BNC2: variants seen among roughly 807,000 people sequenced by gnomAD.
BNC2 encodes the protein basonuclin zinc finger protein 2, also known as zinc finger protein basonuclin-2.
In BNC2, 20 loss-of-function variants were observed where a neutral mutation model predicts 76.3. That is an observed-to-expected ratio of 0.26 (90% CI 0.18 to 0.38). The LOEUF (loss-of-function observed/expected upper bound fraction) is 0.38, where lower values mean the gene tolerates loss of function less well. BNC2 is among the 10% of genes least tolerant of loss of function. The pLI, the probability that BNC2 is intolerant of heterozygous loss-of-function variation, is 1.00. For missense variants in BNC2, 1,382 were observed against 1,399.8 expected, an observed-to-expected ratio of 0.99 and a Z score of 0.20; for synonymous variants, 582 against 514.8, an observed-to-expected ratio of 1.13 and a Z score of -1.77.
chr9:16,836,581 T>C (rs1416649100), intron 1 of BNC2, among the ~76,000 whole-genome samples: 1 of 151,970 alleles, frequency 6.6e-6, no homozygotes, highest in South Asian at 2.1e-4. Flanking sequence ...CCTTGATTCT[T>C]ATTAAGTTTG....
chr9:16,788,929 T>C (rs1317807104), intron 1 of BNC2, among the ~76,000 whole-genome samples: 1 of 152,118 alleles, frequency 6.6e-6, no homozygotes, highest in African/African-American at 2.4e-5. Context: ...ACCAAGCTCC[T>C]CCTTGGCATC....
intron 3 of BNC2, among the ~76,000 whole-genome samples, chr9:16,609,567 T>C (rs1403046151): frequency 6.6e-6 from 1 of 152,158 alleles, no homozygotes; most frequent in East Asian, 1.9e-4. Context: ...CATCCTTGTA[T>C]CTCCTATGCT....
At chr9:16,676,789 A>G (rs1822656410) in intron 3 of BNC2, among the ~76,000 whole-genome samples, 1 of 152,254 alleles carries the variant, frequency 6.6e-6, no homozygotes, top group African/African-American at 2.4e-5. Flanking sequence ...AGTGAGAACA[A>G]GGGAGGAGAA....
chr9:16,527,974 T>C (rs1439777517), intron 5 of BNC2, among the ~76,000 whole-genome samples: 1 of 152,060 alleles, frequency 6.6e-6, no homozygotes, highest in Non-Finnish European at 1.5e-5. Context: ...TAATGATGAA[T>C]TTGCAAGAAC....
intron 5 of BNC2, among the ~76,000 whole-genome samples, chr9:16,480,500 G>C (rs1323711973): frequency 6.6e-6 from 1 of 152,228 alleles, no homozygotes; most frequent in Non-Finnish European, 1.5e-5. Context: ...CTTGCAGGGA[G>C]GTGTGGAGGG....
intron 5 of BNC2, among the ~76,000 whole-genome samples, chr9:16,486,807 C>T (rs1822173198): frequency 6.6e-6 from 1 of 151,960 alleles, no homozygotes; most frequent in South Asian, 2.1e-4. Context: ...CTGACTGTAA[C>T]ATCAAACTCC....
At chr9:16,704,334 G>A (rs549629251) in intron 3 of BNC2, among the ~76,000 whole-genome samples, 2 of 152,208 alleles carry the variant, frequency 1.3e-5, no homozygotes, top group East Asian at 3.9e-4. Flanking sequence ...TAGGGGTTGG[G>A]GGCAATCTGC....
chr9:16,574,227 G>GCTTA (rs1819419436), intron 4 of BNC2, among the ~76,000 whole-genome samples: 1 of 152,102 alleles, frequency 6.6e-6, no homozygotes, highest in African/African-American at 2.4e-5. Context: ...GCTTCCTGTA[G>GCTTA]GATCGTTAGC....
At chr9:16,535,587 A>G (rs1302804720) in intron 5 of BNC2, among the ~76,000 whole-genome samples, 1 of 152,032 alleles carries the variant, frequency 6.6e-6, no homozygotes, top group Non-Finnish European at 1.5e-5. Context: ...TGCTTGAACT[A>G]CAGTGACAGC....
chr9:16,855,079 G>A (rs1819220030), intron 1 of BNC2, among the ~76,000 whole-genome samples: 1 of 151,890 alleles, frequency 6.6e-6, no homozygotes, highest in African/African-American at 2.4e-5. Context: ...ATTTCAATAT[G>A]AGTACATGAG....
intron 1 of BNC2, among the ~76,000 whole-genome samples, chr9:16,835,654 A>G (rs1259098941): frequency 6.6e-6 from 1 of 152,222 alleles, no homozygotes; most frequent in South Asian, 2.1e-4. Flanking sequence ...GTGAGCAGAG[A>G]TAGCGCCACT....
Position 16,435,867 on chromosome 9 carries a change from T to C in BNC2, c.2327A>G (p.Glu776Gly), listed in dbSNP as rs571419639. ...PSHQDVIKVK[E>G]EFTDPTYDMF... is the part of the protein sequence containing the mutation. The stretch of plus-strand genomic sequence containing the variant: ...GTCGTAAGTGGGGTCTGTAAATTCT[T>C]CCTTCACCTTGATGACGTCCTGGTG... The change falls in exon 6 of 7, where the codon GAA becomes GGA. Residue 776 changes from glutamate (E) to glycine (G), a missense_variant. Physicochemically the swap from Glu to Gly is moderately conservative, Grantham distance 98. Around this residue, in one of 3 missense-constraint regions of BNC2, gnomAD observed 798 missense variants for 775.5 expected, o/e 1.03. Transcript: ENST00000380672. The C allele has an allele frequency of 1.7e-5, 27 of 1,613,762 alleles. No individual in the cohort carries two copies. The South Asian group carries it at 2.7e-4, about 16-fold the overall frequency.
intron 1 of BNC2, chr9:16,832,125 C>A (rs185688966): frequency 7.1e-6 from 2 of 281,064 alleles, no homozygotes; most frequent in Non-Finnish European, 1.3e-5. Context: ...TGCAATGCAG[C>A]TTCCTGGATG....
rs1554626014 is a variant in BNC2 at position 16,409,921 on chromosome 9, T to TAAAAA, written c.*9067_*9068insTTTTT. The stretch of plus-strand genomic sequence containing the variant: ...TGGTTTTATGCAGATGAGAACAATA[T>TAAAAA]AAACAAAAAAAAGGAATAAACAGCT... On this transcript the variant is annotated 3_prime_UTR_variant, in exon 7 of 7. Transcript: ENST00000380672. The TAAAAA allele has an allele frequency of 1.3e-5, 2 of 148,516 alleles. No individual in the cohort carries two copies. Among genetic ancestry groups the TAAAAA allele is most frequent in the African/African-American group, 4.9e-5 (2 of 40,486 alleles). The allele number at this position is 148,516 out of a possible 1,614,324, so 9.2% of individuals were successfully genotyped here. A position where few individuals can be genotyped will look rare whatever the true frequency, so the allele number is the denominator to read the frequency against.
At chr9:16,801,530 C>A (rs1170973879) in intron 1 of BNC2, among the ~76,000 whole-genome samples, 2 of 151,996 alleles carry the variant, frequency 1.3e-5, no homozygotes, top group African/African-American at 4.8e-5. Context: ...GCCACCGTGG[C>A]CAGCCCCATT....
chr9:16,534,826 T>A (rs954900930), intron 5 of BNC2, among the ~76,000 whole-genome samples: 1 of 152,048 alleles, frequency 6.6e-6, no homozygotes, highest in Non-Finnish European at 1.5e-5. Context: ...GCAGAAAAAA[T>A]CAAAACTTTT....
intron 1 of BNC2, among the ~76,000 whole-genome samples, chr9:16,817,098 G>A (rs1162277956): frequency 3.9e-5 from 6 of 152,176 alleles, no homozygotes; most frequent in Non-Finnish European, 8.8e-5. Flanking sequence ...AAATTACATA[G>A]GCAGAACACT....
chr9:16,694,605 G>A (rs980580500), intron 3 of BNC2, among the ~76,000 whole-genome samples: 2 of 152,110 alleles, frequency 1.3e-5, no homozygotes, highest in Non-Finnish European at 2.9e-5. Flanking sequence ...TTTACCTTCT[G>A]CCAAGGCTCA....
intron 3 of BNC2, among the ~76,000 whole-genome samples, chr9:16,714,765 G>A (rs1297476647): frequency 1.3e-5 from 2 of 152,028 alleles, no homozygotes; most frequent in South Asian, 2.1e-4. Context: ...CTTTTCCCAC[G>A]AAAATCAATA....
Sources: gnomAD v4.1 joint callset for allele counts (sites outside exome capture counted in the v4.1 genomes callset) on GRCh38, gnomAD v4.1.1 for gene constraint, gnomAD v4.1.1 regional missense constraint, MANE v1.5 for transcripts, NCBI Gene and HGNC (gene_info 2026-07-23, HGNC 2026-07-21) for gene names.